CYP3A5: variants seen among roughly 807,000 people sequenced by gnomAD.
CYP3A5 encodes cytochrome P450 family 3 subfamily A member 5, also known as cytochrome P450 3A5.
A neutral mutation model predicts 55.9 loss-of-function variants in CYP3A5; 51 were observed. The observed-to-expected ratio is 0.91, with a 90% CI of 0.73 to 1.15. The LOEUF is 1.15. Among genes scored for constraint, CYP3A5 ranks in the 50% most tolerant of loss-of-function variants. The probability of loss-of-function intolerance (pLI) is 0.00; values close to 1 mark genes in which losing one functional copy is unlikely to be tolerated. For missense variants in CYP3A5, 533 were observed against 596.6 expected, an observed-to-expected ratio of 0.89 and a Z score of 1.11; for synonymous variants, 196 against 213.9, an observed-to-expected ratio of 0.92 and a Z score of 0.73.
intron 1 of CYP3A5, among the ~76,000 whole-genome samples, chr7:99,677,493 G>A (rs188408502): frequency 3.3e-5 from 5 of 152,292 alleles, no homozygotes; most frequent in East Asian, 3.9e-4. Context: ...ATGATAAAAC[G>A]TCCCGGAGAG....
intron 4 of CYP3A5, among the ~76,000 whole-genome samples, chr7:99,670,596 A>G (rs1811508128): frequency 6.6e-6 from 1 of 152,234 alleles, no homozygotes; most frequent in African/African-American, 2.4e-5. Flanking sequence ...CTAGAGCTGC[A>G]ATCTGATGTT....
In CYP3A5 at chr7:99,667,054, T is replaced by G. The variant is rs1425812768; in HGVS notation, c.330A>C (p.Pro110=). 6.2e-7 allele frequency: 1 copy of G among 1,613,868 alleles called. No individual in the cohort carries two copies. Residue 110 remains proline, a synonymous_variant, in exon 5 of 13, where the codon CCA becomes CCC. Transcript: ENST00000222982. The stretch of plus-strand genomic sequence containing the variant: ...AGATGGCACTTTTCATAAATCCCAC[T>G]GGGCCTAAAGACTAGAGTTCAACAG... ...SVFTNRRSLG[P]VGFMKSAISL...
At chr7:99,673,177 A>G (rs181269287) in intron 3 of CYP3A5, among the ~76,000 whole-genome samples, 1 of 152,312 alleles carries the variant, frequency 6.6e-6, no homozygotes, top group Admixed American at 6.5e-5. Flanking sequence ...TCATCTGTCT[A>G]CTAAGTCATG....
intron 3 of CYP3A5, 140 bp from the exon 4 acceptor site, chr7:99,672,819 A>C: frequency 6.7e-7 from 1 of 1,493,488 alleles, no homozygotes; most frequent in Non-Finnish European, 8.9e-7. Flanking sequence ...CTTAGGTTCT[A>C]GTTCATTAGG....
chr7:99,672,465 A>G (rs953905175), intron 4 of CYP3A5, 115 bp downstream of exon 4: 3 of 879,690 alleles, frequency 3.4e-6, no homozygotes, highest in African/African-American at 1.7e-5. Flanking sequence ...TGAAGAGTAC[A>G]TGGAACCTTC....
At chr7:99,649,836 T>C (rs909393250) in intron 12 of CYP3A5, among the ~76,000 whole-genome samples, 8 of 152,050 alleles carry the variant, frequency 5.3e-5, no homozygotes, top group African/African-American at 1.9e-4. Context: ...TTACTCAGGT[T>C]CAAAGAGACT....
intron 10 of CYP3A5, among the ~76,000 whole-genome samples, chr7:99,657,927 A>G (rs925745966): frequency 1.2e-4 from 18 of 151,750 alleles, no homozygotes; most frequent in East Asian, 3.9e-4. Flanking sequence ...TTTGTTGTCC[A>G]TTTGCTTGGT....
intron 10 of CYP3A5, 73 bp downstream of exon 10, chr7:99,660,426 C>T (rs1810313134): frequency 4.7e-6 from 7 of 1,503,908 alleles, no homozygotes; most frequent in Non-Finnish European, 6.2e-6. Context: ...AAAAATTCTC[C>T]TGGGGAGTGG....
At chr7:99,674,310 G>A in intron 3 of CYP3A5, 1 of 415,334 alleles carries the variant, frequency 2.4e-6, no homozygotes, top group Non-Finnish European at 4.3e-6. Flanking sequence ...TCTTTGTCTT[G>A]TTTACCTCCC....
chr7:99,666,524 T>C, intron 6 of CYP3A5, 77 bp downstream of exon 6: 4 of 1,455,440 alleles, frequency 2.7e-6, no homozygotes, highest in Non-Finnish European at 3.9e-6. Context: ...AACCCAACAG[T>C]GCGACTGTCG....
intron 4 of CYP3A5, among the ~76,000 whole-genome samples, chr7:99,667,713 A>G (rs915229732): frequency 6.6e-6 from 1 of 152,274 alleles, no homozygotes; most frequent in East Asian, 1.9e-4. Context: ...ATCTTCCACA[A>G]CTATGTTTTG....
At chr7:99,679,718 C>T in intron 1 of CYP3A5, 108 bp downstream of exon 1, 3 of 1,053,590 alleles carry the variant, frequency 2.8e-6, no homozygotes, top group Non-Finnish European at 4.4e-6. Context: ...ACTTCAGCTA[C>T]TTCTCCTTGA....
At chr7:99,661,843 A>G (rs1221770469) in intron 9 of CYP3A5, among the ~76,000 whole-genome samples, 1 of 152,240 alleles carries the variant, frequency 6.6e-6, no homozygotes, top group Non-Finnish European at 1.5e-5. Flanking sequence ...CTGCTGTCCA[A>G]TCTGGTAGCC....
chr7:99,677,472 TA>T (rs1469274099), intron 1 of CYP3A5, among the ~76,000 whole-genome samples: 2 of 152,198 alleles, frequency 1.3e-5, no homozygotes, highest in African/African-American at 4.8e-5. Context: ...GTATGGCATA[TA>T]AGATAAGTAA....
At chr7:99,666,899 G>A in intron 5 of CYP3A5, 53 bp downstream of exon 5, 1 of 1,604,762 alleles carries the variant, frequency 6.2e-7, no homozygotes, top group Non-Finnish European at 8.5e-7. Flanking sequence ...CTTTCTACCT[G>A]TCCCCAGATT....
intron 1 of CYP3A5, among the ~76,000 whole-genome samples, chr7:99,678,485 C>G (rs1169383855): frequency 1.3e-5 from 2 of 152,268 alleles, no homozygotes; most frequent in East Asian, 3.9e-4. Flanking sequence ...AATGGCCGGA[C>G]AGGTATATTT....
In CYP3A5 at chr7:99,672,915, A is replaced by G. The variant is rs551294038; in HGVS notation, c.219-236T>C. 8 of 1,339,694 alleles carry G rather than the reference A, an allele frequency of 6.0e-6. No homozygotes were observed. In the East Asian group the frequency reaches 2.3e-4, roughly 38 times the overall value. 83.0% of individuals were successfully genotyped at this position (1,339,694 alleles called of 1,614,324 possible). On this transcript the variant is annotated intron_variant, in intron 3 of 12. Coordinates refer to ENST00000222982, the MANE Select transcript of CYP3A5 (RefSeq NM_000777.5). ...AATGTGGTCCAAACAGGGAAGAGAT[A>G]TTGAAAGACAAAAGAGCTCTTTAAA... is the stretch of plus-strand genomic sequence containing the variant.
intron 10 of CYP3A5, chr7:99,660,235 TTTTTTTTTTTA>T (rs1810286947): frequency 1.0e-6 from 1 of 970,692 alleles, no homozygotes; most frequent in Non-Finnish European, 1.2e-6. Context: ...TTTTTTTTTT[TTTTTTTTTTTA>T]CTTAGCATTA....
chr7:99,652,553 C>G lies in CYP3A5; in HGVS notation c.1253G>C (p.Arg418Thr). 1 of 1,599,160 alleles carries G rather than the reference C, an allele frequency of 6.3e-7. No homozygotes were observed. Among genetic ancestry groups the G allele is most frequent in the Non-Finnish European group, 8.5e-7 (1 of 1,170,606 alleles). ...GCTCCATTTCCCTGGAGACTTGTACCTTTCAGGGCGGAACTCCTCAGGCTC... is the reference window on the plus strand; with the variant it reads ...GCTCCATTTCCCTGGAGACTTGTACGTTTCAGGGCGGAACTCCTCAGGCTC... Reference protein sequence around the residue: ...WTEPEEFRPERFSKKKDSIDP... With the variant: ...WTEPEEFRPETFSKKKDSIDP... Residue 418 changes from arginine (R) to threonine (T), a missense_variant and splice_region_variant, in exon 11 of 13, where the codon AGG becomes ACG. Transcript: ENST00000222982.
Sources: allele counts gnomAD v4.1 joint callset (sites outside exome capture counted in the v4.1 genomes callset), GRCh38; gene constraint gnomAD v4.1.1; transcripts MANE v1.5; gene names NCBI Gene and HGNC (gene_info 2026-07-23, HGNC 2026-07-21).